Variants in COL13A1 observed in about 807,000 individuals in gnomAD.
The protein encoded by COL13A1 is collagen type XIII alpha 1 chain.
COL13A1 carries 89 observed loss-of-function variants against 130.9 expected under a neutral mutation model. The observed-to-expected ratio is 0.68, with a 90% confidence interval of 0.57 to 0.81. COL13A1 has a LOEUF of 0.81. Ranked by LOEUF, COL13A1 falls within the 30% of genes least tolerant of loss-of-function variation. The pLI is 0.00. For synonymous variants in COL13A1, 402 were observed against 341.6 expected, an observed-to-expected ratio of 1.18 and a Z score of -1.95; for missense variants, 879 against 934.6, an observed-to-expected ratio of 0.94 and a Z score of 0.78.
At chr10:69,854,299 C>G (rs1855789450) in intron 2 of COL13A1, among the ~76,000 whole-genome samples, 2 of 152,192 alleles carry the variant, frequency 1.3e-5, no homozygotes, top group Admixed American at 1.3e-4. Flanking sequence ...GGTGCTGTGG[C>G]TCACACTTGT....
At chr10:69,899,592 G>A (rs1471411296) in intron 14 of COL13A1, among the ~76,000 whole-genome samples, 2 of 152,186 alleles carry the variant, frequency 1.3e-5, no homozygotes, top group Admixed American at 1.3e-4. Flanking sequence ...GGGGAGCAAG[G>A]GAATTTGTGG....
intron 1 of COL13A1, among the ~76,000 whole-genome samples, chr10:69,811,006 C>T (rs1436376114): frequency 6.6e-6 from 1 of 152,196 alleles, no homozygotes; most frequent in African/African-American, 2.4e-5. Context: ...ACACTGGGCC[C>T]CTGTCTCCCT....
intron 1 of COL13A1, among the ~76,000 whole-genome samples, chr10:69,811,495 G>A (rs1843039941): frequency 6.6e-6 from 1 of 152,182 alleles, no homozygotes; most frequent in Non-Finnish European, 1.5e-5. Context: ...GCTCTTCCAG[G>A]AATAGCTTCA....
chr10:69,866,239 C>G (rs2058503443), intron 2 of COL13A1, among the ~76,000 whole-genome samples: 1 of 152,208 alleles, frequency 6.6e-6, no homozygotes, highest in African/African-American at 2.4e-5. Context: ...CCGGGCTGCC[C>G]TCAGAGCTCC....
chr10:69,849,169 G>A (rs1429192795), intron 2 of COL13A1, among the ~76,000 whole-genome samples: 1 of 152,206 alleles, frequency 6.6e-6, no homozygotes, highest in African/African-American at 2.4e-5. Context: ...CAGAGAACGG[G>A]TTTCTGACCC....
intron 7 of COL13A1, among the ~76,000 whole-genome samples, chr10:69,882,735 T>C (rs1217710404): frequency 6.6e-6 from 1 of 152,218 alleles, no homozygotes; most frequent in Non-Finnish European, 1.5e-5. Flanking sequence ...AAAAAAGTCC[T>C]CCAGGTGGGT....
At chr10:69,808,602 C>T (rs1338061108) in intron 1 of COL13A1, among the ~76,000 whole-genome samples, 1 of 152,182 alleles carries the variant, frequency 6.6e-6, no homozygotes, top group Non-Finnish European at 1.5e-5. Context: ...AGAGTCAGTG[C>T]ACAAGAGGAA....
rs1310879636 is a variant in COL13A1, at chr10:69,862,920, A to G, written c.365-4878A>G. 2.0e-5 allele frequency among the ~76,000 whole-genome samples: 3 copies of G among 152,360 alleles called. No individual in the cohort carries two copies. The East Asian group carries it at 5.8e-4, about 29-fold the overall frequency. Reference sequence around the variant, plus strand: ...AGTACATACTCTGTAGATGAATAACAGACAAATTACTATTTGTCCGAATGA... The same window carrying G: ...AGTACATACTCTGTAGATGAATAACGGACAAATTACTATTTGTCCGAATGA... On this transcript the variant is annotated intron_variant, in intron 2 of 40. Coordinates refer to ENST00000645393, the MANE Select transcript of COL13A1 (RefSeq NM_001368882.1).
At chr10:69,940,713 G>C (rs2067500814) in intron 34 of COL13A1, among the ~76,000 whole-genome samples, 1 of 152,174 alleles carries the variant, frequency 6.6e-6, no homozygotes, top group Admixed American at 6.5e-5. Flanking sequence ...AGAGGAGAAG[G>C]GGGGCGGGAG....
At chr10:69,822,323 T>C in intron 1 of COL13A1, 46 bp from the exon 2 acceptor site, 1 of 1,468,824 alleles carries the variant, frequency 6.8e-7, no homozygotes, top group Non-Finnish European at 9.2e-7. Flanking sequence ...CAGGGCTTGG[T>C]GTCTACGAGC....
intron 40 of COL13A1, among the ~76,000 whole-genome samples, chr10:69,957,633 G>A (rs554196137): frequency 6.6e-6 from 1 of 152,346 alleles, no homozygotes; most frequent in Admixed American, 6.5e-5. Context: ...CATTGTTAGA[G>A]CAGTCTGACA....
At chr10:69,928,909 T>C in intron 27 of COL13A1, 28 bp from the exon 28 acceptor site, 1 of 1,594,884 alleles carries the variant, frequency 6.3e-7, no homozygotes. Flanking sequence ...GGGACAGTTC[T>C]TCCATGTGTC....
intron 2 of COL13A1, among the ~76,000 whole-genome samples, chr10:69,858,636 G>A (rs1030262080): frequency 4.6e-5 from 7 of 152,200 alleles, no homozygotes; most frequent in Non-Finnish European, 1.0e-4. Context: ...CTCACTGGGG[G>A]ACTCTGGGAG....
intron 1 of COL13A1, among the ~76,000 whole-genome samples, chr10:69,821,915 C>T (rs552102382): frequency 9.1e-4 from 138 of 152,254 alleles, no homozygotes; most frequent in African/African-American, 3.3e-3. Context: ...TTGCCATCCC[C>T]CTACTGCTGC....
Position 69,905,699 on chromosome 10 carries a change from A to C in COL13A1, c.886-88A>C, listed in dbSNP as rs2062678435. The C allele has an allele frequency of 2.8e-6, 4 of 1,453,746 alleles. No individual in the cohort carries two copies. The South Asian group carries it at 4.8e-5, about 17-fold the overall frequency. 90.1% of individuals were successfully genotyped at this position (1,453,746 alleles called of 1,614,324 possible). A position where few individuals can be genotyped will look rare whatever the true frequency, so the allele number is the denominator to read the frequency against. On this transcript the variant is annotated intron_variant, in intron 16 of 40. Coordinates refer to ENST00000645393, the MANE Select transcript of COL13A1 (RefSeq NM_001368882.1). The stretch of plus-strand genomic sequence containing the variant: ...AGTGGAACTTGGAGTCATCGAGAGG[A>C]AGAGGGATGGTATTGTGTGGGGAAC...
intron 17 of COL13A1, among the ~76,000 whole-genome samples, chr10:69,916,378 GC>G (rs1223286025): frequency 1.3e-5 from 2 of 152,306 alleles, no homozygotes; most frequent in Admixed American, 6.5e-5. Flanking sequence ...ACCATCCCGG[GC>G]CCCAGCTGGG....
intron 26 of COL13A1, 23 bp downstream of exon 26, chr10:69,925,895 GC>G: frequency 1.3e-6 from 2 of 1,564,154 alleles, no homozygotes; most frequent in Non-Finnish European, 1.7e-6. Flanking sequence ...CAGCCCAGAG[GC>G]CAAGATCCTC....
chr10:69,956,024 C>T (rs1201878340), intron 39 of COL13A1: 5 of 152,224 alleles, frequency 3.3e-5, no homozygotes, highest in Admixed American at 2.0e-4. Context: ...ACCAGGGCAG[C>T]AGAGGACTCT....
In COL13A1 at chr10:69,831,502, G is replaced by C. The variant is rs370744206; in HGVS notation, c.364+9064G>C. On this transcript the variant is annotated intron_variant, in intron 2 of 40. Coordinates refer to ENST00000645393, the MANE Select transcript of COL13A1 (RefSeq NM_001368882.1). ...GTGGCTATTTGGTCCCCTGGTGAGA[G>C]AGCAGCAGCCACGCTTACAGCCCTG... 2.0e-5 allele frequency among the ~76,000 whole-genome samples: 3 copies of C among 152,322 alleles called. No individual in the cohort carries two copies. The East Asian group carries it at 5.8e-4, about 29-fold the overall frequency.
Sources: gnomAD v4.1 joint callset for allele counts (sites outside exome capture counted in the v4.1 genomes callset) on GRCh38, gnomAD v4.1.1 for gene constraint, MANE v1.5 for transcripts, NCBI Gene and HGNC (gene_info 2026-07-23, HGNC 2026-07-21) for gene names.